The following GPBAR1 variants were observed in gnomAD, a reference collection of about 807,000 sequenced individuals.
The protein encoded by GPBAR1 is G protein-coupled bile acid receptor 1.
In GPBAR1, 13 loss-of-function variants were observed where a neutral mutation model predicts 13.0. The ratio of observed to expected loss-of-function variants is 1.00; its 90% CI spans 0.65 to 1.59. GPBAR1 has a LOEUF of 1.59. GPBAR1 is among the 40% of genes most tolerant of loss of function. The pLI, the probability that GPBAR1 is intolerant of heterozygous loss-of-function variation, is 0.00. For synonymous variants in GPBAR1, 193 were observed against 205.2 expected (o/e 0.94, Z 0.51); for missense variants, 398 against 436.4 (o/e 0.91, Z 0.78).
rs1317450675 is a variant in GPBAR1, at chr2:218,262,967, T to C, written c.243T>C (p.Gly81=). The C allele has an allele frequency of 1.2e-6, 2 of 1,613,446 alleles. No homozygotes were observed. The highest frequency in any genetic ancestry group is 2.7e-5 in the African/African-American group (2 of 74,722). Residue 81 remains glycine (G), a synonymous_variant, in exon 2 of 2, where the codon GGT becomes GGC. Transcript: ENST00000519574. The surrounding 1 kb of genome is among the most constrained non-coding windows in gnomAD (Gnocchi z 5.1). ...GGCTGTGGAACCAGAGTCGCCGGGG[T>C]TACTGGTCCTGCCTCCTCGTCTACT... ...LPGLWNQSRR[G]YWSCLLVYLA...
At chr2:218,260,875 T>A (rs942061588), upstream of GPBAR1, 3 of 151,992 alleles carry the variant, frequency 2.0e-5, no homozygotes, top group African/African-American at 7.3e-5. Flanking sequence ...AACTGCCACC[T>A]AGGTGGCAGG....
Position 218,262,062 on chromosome 2 carries a change from C to T in GPBAR1, c.-45-618C>T, listed in dbSNP as rs1325223860. ...GCTGCTTCTCTCCTCCCTCCAGCTC[C>T]CAGGAAGGACCCTGTTGCTAGTGTG... On this transcript the variant is annotated intron_variant, in intron 1 of 1. Transcript: ENST00000519574. This position sits in a 1 kb window ranked among gnomAD's most constrained non-coding sequence, Gnocchi z 5.1. The T allele has an allele frequency of 6.5e-6, 1 of 152,898 alleles. No homozygotes were observed. The allele number at this position is 152,898 out of a possible 1,614,324, so 9.5% of individuals were successfully genotyped here.
rs1182088168 is a variant in GPBAR1 at position 218,263,382 on chromosome 2, T to C, written c.658T>C (p.Trp220Arg). ...EPSALARALT[W>R]RQARAQAGAM... ...CTCCGCCCTGGCCCGGGCCCTTACC[T>C]GGAGGCAGGCAAGGGCACAGGCTGG... The change falls in exon 2 of 2, where the codon TGG (tryptophan) becomes CGG (arginine). Residue 220 changes from tryptophan (W) to arginine (R), a missense_variant. Coordinates refer to ENST00000519574, the MANE Select transcript of GPBAR1 (RefSeq NM_170699.3). The surrounding 1 kb of genome is among the most constrained non-coding windows in gnomAD (Gnocchi z 4.2). The C allele has an allele frequency of 5.6e-6, 9 of 1,598,708 alleles. No homozygotes were observed. In the Admixed American group the frequency reaches 1.2e-4, roughly 21 times the overall value.
chr2:218,262,568 G>T lies in GPBAR1; in HGVS notation c.-45-112G>T. The stretch of plus-strand genomic sequence containing the variant: ...TAATTGAAAAATTCTGTGTATCAGC[G>T]AACATGATACAGCCCACAGCCTGCG... On this transcript the variant is annotated intron_variant, in intron 1 of 1. Transcript: ENST00000519574. The surrounding 1 kb of genome is among the most constrained non-coding windows in gnomAD (Gnocchi z 5.1). The T allele has an allele frequency of 1.5e-6, 1 of 667,554 alleles. No homozygotes were observed. Among genetic ancestry groups the T allele is most frequent in the Admixed American group, 3.0e-5 (1 of 33,128 alleles). The allele number at this position is 667,554 out of a possible 1,614,324, so 41.4% of individuals were successfully genotyped here.
chr2:218,262,709 T>C lies in GPBAR1; in HGVS notation c.-16T>C, dbSNP rs754234858. 2.1e-5 allele frequency: 32 copies of C among 1,557,620 alleles called. No homozygotes were observed. The highest frequency in any genetic ancestry group is 2.4e-5 in the Non-Finnish European group (28 of 1,152,720). On this transcript the variant is annotated 5_prime_UTR_variant, in exon 2 of 2. Transcript: ENST00000519574. The surrounding 1 kb of genome is among the most constrained non-coding windows in gnomAD (Gnocchi z 5.1). ...GCCGGCTGCCGCTCCAGGACTCCCC[T>C]GTCCCCAGGACCAAGATGACGCCCA...
chr2:218,261,373 C>T (rs867804192), intron 1 of GPBAR1, among the ~76,000 whole-genome samples, 157 bp downstream of exon 1: 6 of 152,164 alleles, frequency 3.9e-5, no homozygotes, highest in Non-Finnish European at 5.9e-5. Flanking sequence ...TGTCGCTGTT[C>T]TAGTGGAGGT....
Position 218,263,488 on chromosome 2 carries a change from C to T in GPBAR1, c.764C>T (p.Pro255Leu), listed in dbSNP as rs769777368. Residue 255 changes from proline to leucine, a missense_variant, in exon 2 of 2, where the codon CCG becomes CTG. By Grantham distance (98) the Pro-to-Leu change is moderately conservative. Transcript: ENST00000519574. The surrounding 1 kb of genome is among the most constrained non-coding windows in gnomAD (Gnocchi z 4.2). ...LLSVLAYEQR[P>L]PLGPGTLLSL... is the part of the protein sequence containing the mutation. Reference sequence around the variant, plus strand: ...TCAGTCCTGGCCTATGAGCAGCGCCCGCCACTGGGGCCTGGGACACTGTTG... The same window carrying T: ...TCAGTCCTGGCCTATGAGCAGCGCCTGCCACTGGGGCCTGGGACACTGTTG... 13 of 1,610,106 alleles carry T rather than the reference C, an allele frequency of 8.1e-6. No individual in the cohort carries two copies. The highest frequency in any genetic ancestry group is 6.7e-5 in the Admixed American group (4 of 59,682).
In GPBAR1 at chr2:218,261,017, G is replaced by C. The variant is rs1226926431; in HGVS notation, c.-245G>C. On this transcript the variant is annotated 5_prime_UTR_variant, in exon 1 of 2. Transcript: ENST00000519574. ...CAGCCTCATTTCTCTATCCCTCTGAGAACCCAGACGGGCAGAGCCTGGGTA... is the reference window on the plus strand; with the variant it reads ...CAGCCTCATTTCTCTATCCCTCTGACAACCCAGACGGGCAGAGCCTGGGTA... 6.6e-6 allele frequency: 1 copy of C among 152,206 alleles called. No individual in the cohort carries two copies. Among genetic ancestry groups the C allele is most frequent in the East Asian group, 1.9e-4 (1 of 5,166 alleles). The allele number at this position is 152,206 out of a possible 1,614,324, so 9.4% of individuals were successfully genotyped here.
chr2:218,263,776 T>C lies in GPBAR1; in HGVS notation c.*59T>C. ...CCGTCCAGCTCAGCCATCCAGCCTGTCTCTACCGGGCCCCACTTCTCTGGA... is the reference window on the plus strand; with the variant it reads ...CCGTCCAGCTCAGCCATCCAGCCTGCCTCTACCGGGCCCCACTTCTCTGGA... On this transcript the variant is annotated 3_prime_UTR_variant, in exon 2 of 2. Transcript: ENST00000519574. The surrounding 1 kb of genome is among the most constrained non-coding windows in gnomAD (Gnocchi z 4.2). 2 of 1,601,730 alleles carry C rather than the reference T, an allele frequency of 1.2e-6. No individual in the cohort carries two copies. The highest frequency in any genetic ancestry group is 1.7e-6 in the Non-Finnish European group (2 of 1,169,758).
In GPBAR1 at chr2:218,263,658, G is replaced by C. The variant is rs199838633; in HGVS notation, c.934G>C (p.Gly312Arg). ...GGGAAGAGCCTCCCGGGACAGTCCC[G>C]GCCCCAGCATTGCCTACCACCCAAG... is the stretch of plus-strand genomic sequence containing the variant. ...LWGRASRDSP[G>R]PSIAYHPSSQ... Residue 312 changes from glycine (G) to arginine (R), a missense_variant, in exon 2 of 2, where the codon GGC (glycine) becomes CGC (arginine). By Grantham distance (125) the Gly-to-Arg change is moderately radical. Coordinates refer to ENST00000519574, the MANE Select transcript of GPBAR1 (RefSeq NM_170699.3). The surrounding 1 kb of genome is among the most constrained non-coding windows in gnomAD (Gnocchi z 4.2). 1 of 1,612,836 alleles carries C rather than the reference G, an allele frequency of 6.2e-7. No individual in the cohort carries two copies. Among genetic ancestry groups the C allele is most frequent in the East Asian group, 2.2e-5 (1 of 44,852 alleles).
In GPBAR1 at chr2:218,263,046, G is replaced by C. The variant is rs576819656; in HGVS notation, c.322G>C (p.Gly108Arg). ...GCTTGCCAACCTCTTGCTGGTGCAC[G>C]GGGAGCGCTACATGGCAGTCCTGAG... The part of the protein sequence containing the change: ...SLLANLLLVH[G>R]ERYMAVLRPL... Residue 108 changes from glycine to arginine, a missense_variant, in exon 2 of 2, where the codon GGG becomes CGG. Physicochemically the swap from Gly to Arg is moderately radical, Grantham distance 125 (BLOSUM62 -2). Coordinates refer to ENST00000519574, the MANE Select transcript of GPBAR1 (RefSeq NM_170699.3). This position sits in a 1 kb window ranked among gnomAD's most constrained non-coding sequence, Gnocchi z 4.2. The C allele has an allele frequency of 1.5e-5, 24 of 1,613,666 alleles. No individual in the cohort carries two copies. The East Asian group carries it at 4.9e-4, about 33-fold the overall frequency.
In GPBAR1 at chr2:218,263,107, T is replaced by C; in HGVS notation, c.383T>C (p.Leu128Pro). Reference sequence around the variant, plus strand: ...CCCCCTGGGAGCATTCGGCTGGCCCTGCTCCTCACCTGGGCTGGTCCCCTG... The same window carrying C: ...CCCCCTGGGAGCATTCGGCTGGCCCCGCTCCTCACCTGGGCTGGTCCCCTG... The part of the protein sequence containing the change: ...LQPPGSIRLA[L>P]LLTWAGPLLF... Residue 128 changes from leucine (L) to proline (P), a missense_variant, in exon 2 of 2, where the codon CTG becomes CCG. Leu to Pro is a moderately conservative substitution (Grantham distance 98). Coordinates refer to ENST00000519574, the MANE Select transcript of GPBAR1 (RefSeq NM_170699.3). The surrounding 1 kb of genome is among the most constrained non-coding windows in gnomAD (Gnocchi z 4.2). 1 of 1,612,960 alleles carries C rather than the reference T, an allele frequency of 6.2e-7. No individual in the cohort carries two copies. Among genetic ancestry groups the C allele is most frequent in the South Asian group, 1.1e-5 (1 of 91,080 alleles).
chr2:218,263,133 C>T lies in GPBAR1; in HGVS notation c.409C>T (p.Leu137Phe). The T allele has an allele frequency of 6.2e-7, 1 of 1,612,456 alleles. No individual in the cohort carries two copies. Among genetic ancestry groups the T allele is most frequent in the Non-Finnish European group, 8.5e-7 (1 of 1,179,862 alleles). The change falls in exon 2 of 2, where the codon CTC becomes TTC. Residue 137 changes from leucine to phenylalanine, a missense_variant. Coordinates refer to ENST00000519574, the MANE Select transcript of GPBAR1 (RefSeq NM_170699.3). The surrounding 1 kb of genome is among the most constrained non-coding windows in gnomAD (Gnocchi z 4.2). ...GCTCCTCACCTGGGCTGGTCCCCTGCTCTTTGCCAGTCTGCCCGCTCTGGG... is the reference window on the plus strand; with the variant it reads ...GCTCCTCACCTGGGCTGGTCCCCTGTTCTTTGCCAGTCTGCCCGCTCTGGG... ...ALLLTWAGPL[L>F]FASLPALGWN... is the part of the protein sequence containing the mutation.
chr2:218,262,730 G>C lies in GPBAR1; in HGVS notation c.6G>C (p.Thr2=). Residue 2 remains threonine, a synonymous_variant, in exon 2 of 2, where the codon ACG becomes ACC. Transcript: ENST00000519574. The surrounding 1 kb of genome is among the most constrained non-coding windows in gnomAD (Gnocchi z 5.1). Reference sequence around the variant, plus strand: ...CCCCTGTCCCCAGGACCAAGATGACGCCCAACAGCACTGGCGAGGTGCCCA... The same window carrying C: ...CCCCTGTCCCCAGGACCAAGATGACCCCCAACAGCACTGGCGAGGTGCCCA... The part of the protein sequence containing the change: M[T]PNSTGEVPSP... 1 of 1,583,826 alleles carries C rather than the reference G, an allele frequency of 6.3e-7. No homozygotes were observed.
upstream of GPBAR1, among the ~76,000 whole-genome samples, chr2:218,260,369 C>A (rs1052309584): frequency 6.6e-5 from 10 of 152,236 alleles, no homozygotes; most frequent in African/African-American, 1.9e-4. Context: ...CAAACCCCCA[C>A]CCATCAAGGG....
rs759328571 is a variant in GPBAR1, at chr2:218,263,039, G to C, written c.315G>C (p.Leu105=). The change falls in exon 2 of 2, where the codon CTG becomes CTC. Residue 105 remains leucine (L), a synonymous_variant. Coordinates refer to ENST00000519574, the MANE Select transcript of GPBAR1 (RefSeq NM_170699.3). This position sits in a 1 kb window ranked among gnomAD's most constrained non-coding sequence, Gnocchi z 4.2. ...TCTCCCTGCTTGCCAACCTCTTGCT[G>C]GTGCACGGGGAGCGCTACATGGCAG... is the stretch of plus-strand genomic sequence containing the variant. ...SFLSLLANLL[L]VHGERYMAVL... is the part of the protein sequence containing the mutation. 2 of 1,613,694 alleles carry C rather than the reference G, an allele frequency of 1.2e-6. No homozygotes were observed. The highest frequency in any genetic ancestry group is 4.5e-5 in the East Asian group (2 of 44,884).
Position 218,262,932 on chromosome 2 carries a change from A to G in GPBAR1, c.208A>G (p.Thr70Ala). 6.2e-7 allele frequency: 1 copy of G among 1,613,848 alleles called. No homozygotes were observed. The change falls in exon 2 of 2, where the codon ACA becomes GCA. Residue 70 changes from threonine (T) to alanine (A), a missense_variant. By Grantham distance (58) the Thr-to-Ala change is moderately conservative. Transcript: ENST00000519574. This position sits in a 1 kb window ranked among gnomAD's most constrained non-coding sequence, Gnocchi z 5.1. ...GCTGCTCACGGGTCTGGCATTGCCC[A>G]CATTGCCAGGGCTGTGGAACCAGAG... ...AGLLTGLALPTLPGLWNQSRR... is the reference protein window; with the variant it reads ...AGLLTGLALPALPGLWNQSRR...
In GPBAR1 at chr2:218,262,169, G is replaced by C. The variant is rs936151182; in HGVS notation, c.-45-511G>C. ...AGCTGTGATGGCTACAAGGACAGAT[G>C]GGGGGAAGGGTGCAGGGTGCCCGAG... On this transcript the variant is annotated intron_variant, in intron 1 of 1. Coordinates refer to ENST00000519574, the MANE Select transcript of GPBAR1 (RefSeq NM_170699.3). The surrounding 1 kb of genome is among the most constrained non-coding windows in gnomAD (Gnocchi z 5.1). 6.5e-6 allele frequency: 1 copy of C among 154,054 alleles called. No individual in the cohort carries two copies. The highest frequency in any genetic ancestry group is 2.4e-5 in the African/African-American group (1 of 41,446). 9.5% of individuals were successfully genotyped at this position (154,054 alleles called of 1,614,324 possible).
In GPBAR1 at chr2:218,263,165, C is replaced by A. The variant is rs1209780157; in HGVS notation, c.441C>A (p.Asn147Lys). 1 of 1,611,086 alleles carries A rather than the reference C, an allele frequency of 6.2e-7. No individual in the cohort carries two copies. ...CCAGTCTGCCCGCTCTGGGGTGGAA[C>A]CACTGGACCCCTGGTGCCAACTGCA... Reference protein sequence around the residue: ...LFASLPALGWNHWTPGANCSS... With the variant: ...LFASLPALGWKHWTPGANCSS... Residue 147 changes from asparagine to lysine, a missense_variant, in exon 2 of 2, where the codon AAC becomes AAA. Physicochemically the swap from Asn to Lys is moderately conservative, Grantham distance 94. Coordinates refer to ENST00000519574, the MANE Select transcript of GPBAR1 (RefSeq NM_170699.3). This position sits in a 1 kb window ranked among gnomAD's most constrained non-coding sequence, Gnocchi z 4.2.
Sources: allele counts gnomAD v4.1 joint callset (sites outside exome capture counted in the v4.1 genomes callset), GRCh38; gene constraint gnomAD v4.1.1; non-coding constraint Gnocchi (gnomAD v3.1); transcripts MANE v1.5; gene names NCBI Gene and HGNC (gene_info 2026-07-23, HGNC 2026-07-21).